WNT5B: variants seen among roughly 807,000 people sequenced by gnomAD.
The protein encoded by WNT5B is protein Wnt-5b.
In WNT5B, 18 loss-of-function variants were observed where a neutral mutation model predicts 36.5. The ratio of observed to expected loss-of-function variants is 0.49; its 90% confidence interval spans 0.34 to 0.73. WNT5B has a LOEUF of 0.73. Among genes scored for constraint, WNT5B ranks in the 30% least tolerant of loss-of-function variants. The probability of loss-of-function intolerance (pLI) is 0.01; values close to 1 mark genes in which losing one functional copy is unlikely to be tolerated. For synonymous variants in WNT5B, 213 were observed against 212.3 expected, an observed-to-expected ratio of 1.00 and a Z score of -0.03; for missense variants, 424 against 508.4, an observed-to-expected ratio of 0.83 and a Z score of 1.60.
chr12:1,627,412 T>A (rs1229718734), upstream of WNT5B, among the ~76,000 whole-genome samples: 4 of 152,328 alleles, frequency 2.6e-5, no homozygotes, highest in South Asian at 2.1e-4. The surrounding 1 kb of genome is among the most constrained non-coding windows in gnomAD (Gnocchi z 5.0). Flanking sequence ...TGTGAATGGC[T>A]AATGACCTGA....
intron 3 of WNT5B, among the ~76,000 whole-genome samples, chr12:1,635,238 A>T (rs144400065): frequency 6.6e-6 from 1 of 152,346 alleles, no homozygotes; most frequent in Non-Finnish European, 1.5e-5. Context: ...GAACTGTCAG[A>T]GTACAGAACG....
rs564715962 is a variant in WNT5B at position 1,638,195 on chromosome 12, G to A, written c.329-1489G>A. 2.6e-5 allele frequency among the ~76,000 whole-genome samples: 4 copies of A among 152,296 alleles called. No individual in the cohort carries two copies. The South Asian group carries it at 6.2e-4, about 24-fold the overall frequency. On this transcript the variant is annotated intron_variant, in intron 3 of 4. Transcript: ENST00000397196. ...CGTGAGGCGGAGCTTGCGGTGAGCC[G>A]AGATTGTGCTACTGCACTCCAGCCT...
Position 1,646,370 on chromosome 12 carries a change from A to G in WNT5B, c.*118A>G. On this transcript the variant is annotated 3_prime_UTR_variant, in exon 5 of 5. Coordinates refer to ENST00000397196, the MANE Select transcript of WNT5B (RefSeq NM_032642.3). ...TAAATGGGTGGGTGCTATACAATGGAAAGATGAAAATGGAAAGGAAGAGCT... is the reference window on the plus strand; with the variant it reads ...TAAATGGGTGGGTGCTATACAATGGGAAGATGAAAATGGAAAGGAAGAGCT... The G allele has an allele frequency of 1.2e-6, 1 of 864,788 alleles. No individual in the cohort carries two copies. The highest frequency in any genetic ancestry group is 1.6e-6 in the Non-Finnish European group (1 of 640,466). 53.6% of individuals were successfully genotyped at this position (864,788 alleles called of 1,614,324 possible). A position where few individuals can be genotyped will look rare whatever the true frequency, so the allele number is the denominator to read the frequency against.
intron 1 of WNT5B, among the ~76,000 whole-genome samples, chr12:1,617,791 T>G (rs2154439165): frequency 6.6e-6 from 1 of 152,198 alleles, no homozygotes; most frequent in South Asian, 2.1e-4. Flanking sequence ...AGAGAACCTG[T>G]GTGCCACCCA....
At position 1,645,856 on chromosome 12, in the gene WNT5B, C is replaced by G; in HGVS notation, c.684C>G (p.Leu228=). 6.2e-7 allele frequency: 1 copy of G among 1,611,276 alleles called. No individual in the cohort carries two copies. The highest frequency in any genetic ancestry group is 1.1e-5 in the South Asian group (1 of 90,926). The change falls in exon 5 of 5, where the codon CTC becomes CTG. Residue 228 remains leucine (L), a synonymous_variant. Transcript: ENST00000397196. ...KCHGVSGSCS[L]KTCWLQLAEF... is the part of the protein sequence containing the mutation. ...ACGGCGTCTCGGGGTCCTGCAGCCT[C>G]AAGACCTGCTGGCTGCAGCTGGCCG...
chr12:1,630,179 C>T lies in WNT5B; in HGVS notation c.-58+808C>T. On this transcript the variant is annotated intron_variant, in intron 1 of 4. Transcript: ENST00000397196. This position sits in a 1 kb window ranked among gnomAD's most constrained non-coding sequence, Gnocchi z 5.3. ...CCCGGGGAGCCTGGGGACGCCGACGCGCGAGAGTGGCGCAGTGAGCCGGGG... is the reference window on the plus strand; with the variant it reads ...CCCGGGGAGCCTGGGGACGCCGACGTGCGAGAGTGGCGCAGTGAGCCGGGG... 3 of 985,360 alleles carry T rather than the reference C, an allele frequency of 3.0e-6. No individual in the cohort carries two copies. The highest frequency in any genetic ancestry group is 1.1e-4 in the East Asian group (1 of 8,766). 61.0% of individuals were successfully genotyped at this position (985,360 alleles called of 1,614,324 possible). A position where few individuals can be genotyped will look rare whatever the true frequency, so the allele number is the denominator to read the frequency against.
At chr12:1,621,047 C>A (rs1263375413) in intron 1 of WNT5B, among the ~76,000 whole-genome samples, 2 of 6,018 alleles carry the variant, frequency 3.3e-4, no homozygotes, top group East Asian at 0.01. Flanking sequence ...ATTCATTTAT[C>A]CTTTCAAGAG....
At chr12:1,622,193 C>A (rs1272822983) in intron 1 of WNT5B, among the ~76,000 whole-genome samples, 1 of 149,928 alleles carries the variant, frequency 6.7e-6, no homozygotes, top group Non-Finnish European at 1.5e-5. Flanking sequence ...TCACTGCAAG[C>A]TCCGCTTCCC....
At chr12:1,631,058 G>C (rs2094549782) in intron 1 of WNT5B, 2 of 270,234 alleles carry the variant, frequency 7.4e-6, no homozygotes, top group South Asian at 2.6e-4. Context: ...TGGTTTCTCA[G>C]CTCATTATTT....
upstream of WNT5B, among the ~76,000 whole-genome samples, chr12:1,626,966 T>A (rs2094542156): frequency 6.6e-6 from 1 of 152,138 alleles, no homozygotes; most frequent in African/African-American, 2.4e-5. Context: ...TTCTAGCAAC[T>A]CCCACATACC....
chr12:1,643,407 C>T (rs1039069406), intron 4 of WNT5B, among the ~76,000 whole-genome samples: 3 of 152,148 alleles, frequency 2.0e-5, no homozygotes, highest in African/African-American at 7.2e-5. Flanking sequence ...TCTTGTTGCC[C>T]AGGCTGGAGT....
chr12:1,627,782 G>A (rs1344692814), upstream of WNT5B, among the ~76,000 whole-genome samples: 1 of 152,086 alleles, frequency 6.6e-6, no homozygotes, highest in Non-Finnish European at 1.5e-5. This position sits in a 1 kb window ranked among gnomAD's most constrained non-coding sequence, Gnocchi z 5.0. Context: ...TGGTTTTGGG[G>A]GCACAGATAT....
At chr12:1,641,628 C>A (rs1592537722) in intron 4 of WNT5B, among the ~76,000 whole-genome samples, 1 of 151,752 alleles carries the variant, frequency 6.6e-6, no homozygotes, top group South Asian at 2.1e-4. Flanking sequence ...CATGGTGAAA[C>A]CCCATCTCTA....
chr12:1,643,749 C>G (rs1227239575), intron 4 of WNT5B, among the ~76,000 whole-genome samples: 1 of 128,404 alleles, frequency 7.8e-6, no homozygotes, highest in African/African-American at 3.1e-5. Flanking sequence ...GCATTTCCCC[C>G]TATCGCCTAC....
intron 4 of WNT5B, among the ~76,000 whole-genome samples, chr12:1,643,394 C>A (rs11061892): frequency 0.22 from 32,990 of 152,056 alleles, 4,332 homozygotes; most frequent in African/African-American, 0.37. Context: ...GACGGAGTTT[C>A]GCTCTTGTTG....
chr12:1,638,714 T>C (rs1490291328), intron 3 of WNT5B, among the ~76,000 whole-genome samples: 2 of 152,162 alleles, frequency 1.3e-5, no homozygotes, highest in Non-Finnish European at 2.9e-5. Context: ...GTGTCTGGAA[T>C]TGTAGGTGCT....
rs958959203 is a variant in WNT5B, at chr12:1,644,535, C to T, written c.622-1259C>T. ...ATGATGGCTGTGCTGTCTCTTGCAC[C>T]TGCAGTGGTCTCTGCTTAGCTCTGA... On this transcript the variant is annotated intron_variant, in intron 4 of 4. Coordinates refer to ENST00000397196, the MANE Select transcript of WNT5B (RefSeq NM_032642.3). This position sits in a 1 kb window ranked among gnomAD's most constrained non-coding sequence, Gnocchi z 5.1. Among the ~76,000 whole-genome samples, 1 of 152,212 alleles carries T rather than the reference C, an allele frequency of 6.6e-6. No individual in the cohort carries two copies. Among genetic ancestry groups the T allele is most frequent in the African/African-American group, 2.4e-5 (1 of 41,462 alleles).
Position 1,639,982 on chromosome 12 carries a change from C to T in WNT5B, c.621+6C>T. 1 of 1,607,892 alleles carries T rather than the reference C, an allele frequency of 6.2e-7. No homozygotes were observed. The highest frequency in any genetic ancestry group is 8.5e-7 in the Non-Finnish European group (1 of 1,177,596). ...ACAACGAGGCCGGTCGCAGGGTAAG[C>T]TGGGCCTCCCCGGCCTCCCCAGCAC... On this transcript the variant is annotated splice_donor_region_variant and intron_variant, in intron 4 of 4. Coordinates refer to ENST00000397196, the MANE Select transcript of WNT5B (RefSeq NM_032642.3).
At position 1,618,638 on chromosome 12, in the gene WNT5B, G is replaced by A. The variant is rs114221085; in HGVS notation, c.-58+1495G>A. 6.6e-6 allele frequency among the ~76,000 whole-genome samples: 1 copy of A among 152,184 alleles called. No individual in the cohort carries two copies. Among genetic ancestry groups the A allele is most frequent in the Non-Finnish European group, 1.5e-5 (1 of 68,042 alleles). ...AAAACTATTTTATTAGTATTCAGGA[G>A]AAGGGAACTTCCTCTTTCTTATCAT... is the stretch of plus-strand genomic sequence containing the variant. On this transcript the variant is annotated intron_variant, in intron 1 of 4. Transcript: ENST00000310594. The surrounding 1 kb of genome is among the most constrained non-coding windows in gnomAD (Gnocchi z 4.1).
Sources: gnomAD v4.1 joint callset for allele counts (sites outside exome capture counted in the v4.1 genomes callset) on GRCh38, gnomAD v4.1.1 for gene constraint, Gnocchi (gnomAD v3.1) non-coding constraint, MANE v1.5 for transcripts, NCBI Gene and HGNC (gene_info 2026-07-23, HGNC 2026-07-21) for gene names.